BRI3: variants seen among roughly 807,000 people sequenced by gnomAD.
BRI3 encodes brain protein I3.
BRI3 carries 6 observed loss-of-function variants against 12.8 expected under a neutral mutation model. The ratio of observed to expected loss-of-function variants is 0.47; its 90% CI spans 0.26 to 0.93. BRI3 has a LOEUF of 0.93. BRI3 is among the 40% of genes least tolerant of loss of function. The pLI is 0.15. For synonymous variants in BRI3, 91 were observed against 76.1 expected (o/e 1.20, Z -1.02); for missense variants, 134 against 171.1 (o/e 0.78, Z 1.21).
chr7:98,293,391 T>C, downstream of BRI3: 1 of 829,794 alleles, frequency 1.2e-6, no homozygotes, highest in South Asian at 1.7e-5. Context: ...CATGATTTGC[T>C]TAAGCAGGCG....
At chr7:98,313,827 G>A (rs761888805), downstream of BRI3, among the ~76,000 whole-genome samples, 25 of 146,632 alleles carry the variant, frequency 1.7e-4, no homozygotes, top group South Asian at 3.9e-3. Context: ...ATAGGGTCTC[G>A]CTATGCTGCC....
intron 1 of BRI3, chr7:98,307,336 C>T (rs1377942890): frequency 9.8e-7 from 1 of 1,022,060 alleles, no homozygotes; most frequent in East Asian, 7.1e-5. Context: ...GAACTCCTAA[C>T]CTCAGGTGAT....
At chr7:98,314,731 C>T (rs1226645878), downstream of BRI3, among the ~76,000 whole-genome samples, 8 of 152,098 alleles carry the variant, frequency 5.3e-5, no homozygotes, top group Admixed American at 3.9e-4. Context: ...CCGTGACCCC[C>T]GGACACGGAC....
chr7:98,318,995 C>A, the BRI3 span, among the ~76,000 whole-genome samples: 1 of 151,014 alleles, frequency 6.6e-6, no homozygotes, highest in African/African-American at 2.4e-5. Context: ...TTTCTGAAGG[C>A]ATAGCAATTA....
Position 98,289,794 on chromosome 7 carries a change from G to GGAGCT in BRI3, c.246-1307_246-1303dup, listed in dbSNP as rs1316503158. Among the ~76,000 whole-genome samples the GGAGCT allele has an allele frequency of 2.6e-5, 4 of 152,328 alleles. No individual in the cohort carries two copies. The East Asian group carries it at 5.8e-4, about 22-fold the overall frequency. On this transcript the variant is annotated intron_variant, in intron 2 of 2. Coordinates refer to ENST00000297290, the MANE Select transcript of BRI3 (RefSeq NM_015379.5). ...CCAGAACTTTCCAGAAATAGCCTAA[G>GGAGCT]GAGCTGAGCTGAGCACTAGGCTTCT...
At chr7:98,310,341 T>TA in exon 2 of BRI3, 1 of 1,318,954 alleles carries the variant, frequency 7.6e-7, no homozygotes, top group Non-Finnish European at 1.0e-6. Flanking sequence ...CCTGCTTGTT[T>TA]ACCTCCAAAC....
chr7:98,291,694 A>C, downstream of BRI3: 1 of 256,092 alleles, frequency 3.9e-6, no homozygotes, highest in Non-Finnish European at 6.3e-6. Context: ...ATCCCTTGAT[A>C]TTTACAGAGC....
At chr7:98,302,888 T>G (rs757670), upstream of BRI3, among the ~76,000 whole-genome samples, 134,738 of 152,166 alleles carry the variant, frequency 0.89, 59,934 homozygotes, top group East Asian at 0.96. Flanking sequence ...GGGTTCAGGC[T>G]ATCCTCCCAC....
At chr7:98,305,256 T>C (rs941252144), upstream of BRI3, among the ~76,000 whole-genome samples, 1 of 151,660 alleles carries the variant, frequency 6.6e-6, no homozygotes, top group African/African-American at 2.4e-5. Flanking sequence ...TGGCTCTTGA[T>C]TGATTTAATC....
chr7:98,289,847 C>CT (rs1459973335), intron 2 of BRI3, among the ~76,000 whole-genome samples: 1 of 152,204 alleles, frequency 6.6e-6, no homozygotes, highest in African/African-American at 2.4e-5. Flanking sequence ...GCCTCTGAAA[C>CT]TGACAGTTGG....
At chr7:98,310,851 A>AT (rs1800842944), downstream of BRI3, among the ~76,000 whole-genome samples, 2 of 151,806 alleles carry the variant, frequency 1.3e-5, no homozygotes, top group Non-Finnish European at 2.9e-5. Context: ...ACATCTGGCT[A>AT]TTTTTTGTAT....
exon 2 of BRI3, chr7:98,308,417 C>G: frequency 2.5e-6 from 1 of 393,820 alleles, no homozygotes; most frequent in East Asian, 7.2e-5. Context: ...GTTCCATTTA[C>G]AGAGTCCTCA....
chr7:98,302,770 C>T (rs1800481584), upstream of BRI3, among the ~76,000 whole-genome samples: 3 of 152,174 alleles, frequency 2.0e-5, no homozygotes, highest in Admixed American at 2.0e-4. Context: ...GATCCAGATT[C>T]AAACAACTAC....
At chr7:98,304,602 C>T (rs1017978039), upstream of BRI3, among the ~76,000 whole-genome samples, 2 of 152,146 alleles carry the variant, frequency 1.3e-5, no homozygotes, top group Non-Finnish European at 2.9e-5. Flanking sequence ...GGCTGGAGTG[C>T]AATGACATGA....
At chr7:98,286,949 G>T (rs975077344) in intron 2 of BRI3, among the ~76,000 whole-genome samples, 15 of 152,230 alleles carry the variant, frequency 9.9e-5, no homozygotes, top group African/African-American at 3.4e-4. Context: ...TACGGCTGTG[G>T]AATCCTGGGG....
chr7:98,302,619 C>A (rs972755291), upstream of BRI3, among the ~76,000 whole-genome samples: 1 of 152,154 alleles, frequency 6.6e-6, no homozygotes, highest in Non-Finnish European at 1.5e-5. Flanking sequence ...ACAGCAAAAT[C>A]CAGATGGGGG....
intron 1 of BRI3, among the ~76,000 whole-genome samples, chr7:98,300,249 A>G (rs548800173): frequency 1.6e-5 from 1 of 64,344 alleles, no homozygotes; most frequent in Non-Finnish European, 3.6e-5. Context: ...GAGGCCCAGA[A>G]CACACAGCCA....
chr7:98,312,089 G>C, downstream of BRI3: 1 of 1,586,054 alleles, frequency 6.3e-7, no homozygotes, highest in Non-Finnish European at 8.6e-7. Context: ...GAGAAAACTG[G>C]CTCCTACCAC....
At chr7:98,293,691 G>T (rs1209847538), downstream of BRI3, 2 of 1,273,512 alleles carry the variant, frequency 1.6e-6, no homozygotes, top group Non-Finnish European at 2.3e-6. Flanking sequence ...CTGTGAGACT[G>T]GGCGGCTGAC....
Sources: gnomAD v4.1 joint callset for allele counts (sites outside exome capture counted in the v4.1 genomes callset) on GRCh38, gnomAD v4.1.1 for gene constraint, MANE v1.5 for transcripts, NCBI Gene and HGNC (gene_info 2026-07-23, HGNC 2026-07-21) for gene names.